The following NKAIN2 variants were observed in gnomAD, a reference collection of about 807,000 sequenced individuals.
NKAIN2 encodes the protein sodium/potassium transporting ATPase interacting 2.
In NKAIN2, 14 loss-of-function variants were observed where a neutral mutation model predicts 32.6. The ratio of observed to expected loss-of-function variants is 0.43; its 90% confidence interval spans 0.28 to 0.67. NKAIN2 has a LOEUF of 0.67. Among genes scored for constraint, NKAIN2 ranks in the 30% least tolerant of loss-of-function variants. The probability of loss-of-function intolerance (pLI) is 0.17; values close to 1 mark genes in which losing one functional copy is unlikely to be tolerated. For missense variants in NKAIN2, 198 were observed against 258.3 expected (o/e 0.77, Z 1.60); for synonymous variants, 80 against 87.2 (o/e 0.92, Z 0.46).
chr6:124,100,566 CTT>C (rs1784835894), intron 1 of NKAIN2, among the ~76,000 whole-genome samples: 1 of 152,184 alleles, frequency 6.6e-6, no homozygotes, highest in Non-Finnish European at 1.5e-5. Context: ...GGACACAACT[CTT>C]TTTGAGATGC....
At chr6:124,761,739 AT>A (rs1170059284) in intron 4 of NKAIN2, among the ~76,000 whole-genome samples, 2 of 152,056 alleles carry the variant, frequency 1.3e-5, no homozygotes, top group Non-Finnish European at 2.9e-5. Context: ...ATGTTGCAAC[AT>A]TTGTCATTGT....
At chr6:124,335,408 T>C (rs947034493) in intron 2 of NKAIN2, among the ~76,000 whole-genome samples, 1 of 152,194 alleles carries the variant, frequency 6.6e-6, no homozygotes, top group African/African-American at 2.4e-5. Context: ...GTTCTACTGA[T>C]TGATGTCTCA....
chr6:124,354,491 T>C (rs749686667), intron 2 of NKAIN2, among the ~76,000 whole-genome samples: 3 of 152,000 alleles, frequency 2.0e-5, no homozygotes, highest in South Asian at 2.1e-4. Context: ...TAATGGGAGA[T>C]AGTGAAATGA....
At chr6:124,252,330 A>G (rs1793724773) in intron 1 of NKAIN2, among the ~76,000 whole-genome samples, 1 of 152,062 alleles carries the variant, frequency 6.6e-6, no homozygotes, top group Admixed American at 6.6e-5. Context: ...TTTCTAAACT[A>G]TGAATCATTT....
intron 1 of NKAIN2, among the ~76,000 whole-genome samples, chr6:124,229,493 TAGATAGAC>T (rs1314491126): frequency 1.9e-5 from 2 of 107,434 alleles, no homozygotes; most frequent in African/African-American, 6.0e-5. Context: ...GATAGATAGA[TAGATAGAC>T]AGATAGATAG....
At chr6:124,420,275 C>G (rs1285575856) in intron 3 of NKAIN2, among the ~76,000 whole-genome samples, 2 of 152,160 alleles carry the variant, frequency 1.3e-5, no homozygotes, top group Non-Finnish European at 2.9e-5. Flanking sequence ...TGGCCTTACT[C>G]TCTGTATTGT....
At chr6:124,714,892 C>T (rs1458273875) in intron 4 of NKAIN2, among the ~76,000 whole-genome samples, 3 of 152,138 alleles carry the variant, frequency 2.0e-5, no homozygotes, top group Non-Finnish European at 4.4e-5. Flanking sequence ...TAATGGGAGA[C>T]TCCTCATTTA....
intron 3 of NKAIN2, among the ~76,000 whole-genome samples, chr6:124,379,978 G>A (rs1205881808): frequency 6.6e-6 from 1 of 152,100 alleles, no homozygotes; most frequent in Non-Finnish European, 1.5e-5. Flanking sequence ...GGCACTAGAA[G>A]GGAGGGAGAC....
At chr6:124,736,231 G>A (rs1471688331) in intron 4 of NKAIN2, among the ~76,000 whole-genome samples, 2 of 151,916 alleles carry the variant, frequency 1.3e-5, no homozygotes, top group South Asian at 2.1e-4. Context: ...CTTGTATGAA[G>A]GCTGAGAGAG....
intron 4 of NKAIN2, among the ~76,000 whole-genome samples, chr6:124,674,750 T>C (rs1048841704): frequency 6.6e-6 from 1 of 152,032 alleles, no homozygotes; most frequent in Non-Finnish European, 1.5e-5. Context: ...GGTTTTTTTG[T>C]GAGACCTTTA....
intron 4 of NKAIN2, among the ~76,000 whole-genome samples, chr6:124,707,839 A>C (rs1775183209): frequency 6.6e-6 from 1 of 152,030 alleles, no homozygotes; most frequent in African/African-American, 2.4e-5. Flanking sequence ...GAAGCTCTTT[A>C]GTTTCATTAG....
intron 1 of NKAIN2, among the ~76,000 whole-genome samples, chr6:123,877,974 C>A (rs1773247135): frequency 6.6e-6 from 1 of 152,094 alleles, no homozygotes; most frequent in Admixed American, 6.6e-5. Flanking sequence ...CGCCTGTAAT[C>A]CCAGCACTTT....
At chr6:124,727,673 C>G (rs1776402559) in intron 4 of NKAIN2, among the ~76,000 whole-genome samples, 1 of 149,942 alleles carries the variant, frequency 6.7e-6, no homozygotes, top group South Asian at 2.1e-4. Flanking sequence ...AAGCAACTAA[C>G]ATCATAATGA....
chr6:124,099,223 C>A (rs540069712), intron 1 of NKAIN2, among the ~76,000 whole-genome samples: 1 of 151,634 alleles, frequency 6.6e-6, no homozygotes, highest in East Asian at 1.9e-4. Context: ...TATGGCATGC[C>A]CTTTAGAGAT....
At chr6:124,381,235 T>C (rs1772620163) in intron 3 of NKAIN2, among the ~76,000 whole-genome samples, 1 of 151,558 alleles carries the variant, frequency 6.6e-6, no homozygotes, top group South Asian at 2.1e-4. Flanking sequence ...TAGTTTTTTC[T>C]AATCAAGTGC....
intron 1 of NKAIN2, among the ~76,000 whole-genome samples, chr6:123,851,860 A>G (rs1046628446): frequency 1.3e-5 from 2 of 152,174 alleles, no homozygotes; most frequent in Admixed American, 6.5e-5. Context: ...TGGCTTGCCA[A>G]TATTTTATCC....
intron 3 of NKAIN2, among the ~76,000 whole-genome samples, chr6:124,459,596 G>A (rs1776452312): frequency 6.6e-6 from 1 of 151,780 alleles, no homozygotes; most frequent in African/African-American, 2.4e-5. Context: ...GTATTGCTCT[G>A]TAAGTTTGTC....
At position 123,808,409 on chromosome 6, in the gene NKAIN2, AATG is replaced by A. The variant is rs1292970152; in HGVS notation, c.54+4158_54+4160del. Among the ~76,000 whole-genome samples the A allele has an allele frequency of 1.1e-4, 17 of 152,314 alleles. No individual in the cohort carries two copies. The South Asian group carries it at 3.3e-3, about 30-fold the overall frequency. The stretch of plus-strand genomic sequence containing the variant: ...ATATGTTGAGTTTGCTAAGTTGTAA[AATG>A]ATAACTTTCTTCTTTTTAAATGTTT... On this transcript the variant is annotated intron_variant, in intron 1 of 6. Transcript: ENST00000368417.
intron 1 of NKAIN2, among the ~76,000 whole-genome samples, chr6:123,848,145 C>T (rs1562216758): frequency 6.6e-6 from 1 of 152,184 alleles, no homozygotes; most frequent in South Asian, 2.1e-4. Context: ...TATACATTTA[C>T]TGTTATCGTG....
Sources: gnomAD v4.1 joint callset for allele counts (sites outside exome capture counted in the v4.1 genomes callset) on GRCh38, gnomAD v4.1.1 for gene constraint, MANE v1.5 for transcripts, NCBI Gene and HGNC (gene_info 2026-07-23, HGNC 2026-07-21) for gene names.